Variants in BCL9L observed in about 807,000 individuals in gnomAD.
BCL9L encodes BCL9 like, also known as B-cell CLL/lymphoma 9-like protein.
In BCL9L, 19 loss-of-function variants were observed where a neutral mutation model predicts 99.4. That is an observed-to-expected ratio of 0.19 (90% CI 0.13 to 0.28). The LOEUF (loss-of-function observed/expected upper bound fraction) is 0.28. BCL9L is among the 10% of genes least tolerant of loss of function. The pLI, the probability that BCL9L is intolerant of heterozygous loss-of-function variation, is 1.00. For missense variants in BCL9L, 2,023 were observed against 2,101.6 expected, an observed-to-expected ratio of 0.96 and a Z score of 0.73; for synonymous variants, 900 against 854.8, an observed-to-expected ratio of 1.05 and a Z score of -0.92.
At chr11:118,916,004 C>T (rs1014401831) in intron 2 of BCL9L, among the ~76,000 whole-genome samples, 1 of 152,204 alleles carries the variant, frequency 6.6e-6, no homozygotes, top group Non-Finnish European at 1.5e-5. Flanking sequence ...CTCGTGTTCA[C>T]ATTGGAACAT....
At position 118,903,754 on chromosome 11, in the gene BCL9L, C is replaced by T. The variant is rs1940391931; in HGVS notation, c.533-302G>A. On this transcript the variant is annotated intron_variant, in intron 5 of 9. Transcript: ENST00000683865. The surrounding 1 kb of genome is among the most constrained non-coding windows in gnomAD (Gnocchi z 5.6). ...CCTGGGAGGAACGTGTCACACACTC[C>T]ACTTAACAAAGGAGGAAATAAGTTC... is the stretch of plus-strand genomic sequence containing the variant. Among the ~76,000 whole-genome samples, 1 of 152,194 alleles carries T rather than the reference C, an allele frequency of 6.6e-6. No homozygotes were observed.
rs762855953 is a variant in BCL9L at position 118,901,112 on chromosome 11, C to T, written c.2631G>A (p.Met877Ile). Residue 877 changes from methionine to isoleucine, a missense_variant, in exon 8 of 10, where the codon ATG becomes ATA. Around this residue, in one of 3 missense-constraint regions of BCL9L, gnomAD observed 902 missense variants for 888.2 expected, o/e 1.02. Coordinates refer to ENST00000683865, the MANE Select transcript of BCL9L (RefSeq NM_001378213.1). The surrounding 1 kb of genome is among the most constrained non-coding windows in gnomAD (Gnocchi z 6.6). ...GGGTGGTGCCCACGTTGCTCATGGG[C>T]ATTGAGCTCTGATCAGGGCTGAACA... is the stretch of plus-strand genomic sequence containing the variant. Reference protein sequence around the residue: ...QDMFSPDQSSMPMSNVGTTRL... With the variant: ...QDMFSPDQSSIPMSNVGTTRL... 2.3e-5 allele frequency: 37 copies of T among 1,610,962 alleles called. No individual in the cohort carries two copies. The African/African-American group carries it at 3.7e-4, about 16-fold the overall frequency.
chr11:118,907,237 AC>A (rs1379468876), intron 5 of BCL9L, among the ~76,000 whole-genome samples: 1 of 152,158 alleles, frequency 6.6e-6, no homozygotes, highest in African/African-American at 2.4e-5. Context: ...GGTGCAGGTG[AC>A]GTGACCAAGA....
Position 118,909,992 on chromosome 11 carries a change from A to G in BCL9L, c.-53T>C. The G allele has an allele frequency of 2.5e-6, 4 of 1,612,742 alleles. No individual in the cohort carries two copies. The East Asian group carries it at 6.7e-5, about 27-fold the overall frequency. ...CCCTGTGCGTGCCCAGGGCCCAGCC[A>G]GGTACTCGGTACTGGAGCACGGACT... On this transcript the variant is annotated 5_prime_UTR_variant, in exon 3 of 10. Coordinates refer to ENST00000683865, the MANE Select transcript of BCL9L (RefSeq NM_001378213.1).
At chr11:118,920,480 G>C (rs1941107446) in intron 1 of BCL9L, among the ~76,000 whole-genome samples, 1 of 152,170 alleles carries the variant, frequency 6.6e-6, no homozygotes, top group South Asian at 2.1e-4. Flanking sequence ...GTCTTCTCTT[G>C]TTTAGCTATT....
Position 118,898,294 on chromosome 11 carries a change from G to GA in BCL9L, c.*120_*121insT. Reference sequence around the variant, plus strand: ...TCCACAAATGCCACTCCCTACACAAGCCCCCTCCCACCCCCTCCACCCCAC... The same window carrying GA: ...TCCACAAATGCCACTCCCTACACAAGACCCCCTCCCACCCCCTCCACCCCAC... On this transcript the variant is annotated 3_prime_UTR_variant, in exon 10 of 10. Transcript: ENST00000683865. 1 of 452,312 alleles carries GA rather than the reference G, an allele frequency of 2.2e-6. No individual in the cohort carries two copies. Among genetic ancestry groups the GA allele is most frequent in the Non-Finnish European group, 4.1e-6 (1 of 244,762 alleles). The allele number at this position is 452,312 out of a possible 1,614,324, so 28.0% of individuals were successfully genotyped here. A position where few individuals can be genotyped will look rare whatever the true frequency, so the allele number is the denominator to read the frequency against.
chr11:118,924,005 A>T (rs1282731651), intron 1 of BCL9L, among the ~76,000 whole-genome samples: 3 of 152,178 alleles, frequency 2.0e-5, no homozygotes. Context: ...TGGAGAAGGT[A>T]GCCCGGCCCA....
Position 118,908,709 on chromosome 11 carries a change from G to A in BCL9L, c.27-54C>T, listed in dbSNP as rs112720700. The A allele has an allele frequency of 1.5e-3, 2,292 of 1,506,932 alleles. 22 individuals carry two copies. In the African/African-American group the frequency reaches 0.027, roughly 18 times the overall value. 93.3% of individuals were successfully genotyped at this position (1,506,932 alleles called of 1,614,324 possible). On this transcript the variant is annotated intron_variant, in intron 3 of 9. Coordinates refer to ENST00000683865, the MANE Select transcript of BCL9L (RefSeq NM_001378213.1). The stretch of plus-strand genomic sequence containing the variant: ...GTTAACCTTGCTAGGGGCTAGGCAT[G>A]CCTGCAACTTAATTACCCCATCCTG...
intron 5 of BCL9L, among the ~76,000 whole-genome samples, chr11:118,905,583 G>C (rs944701873): frequency 1.4e-4 from 21 of 148,140 alleles, no homozygotes; most frequent in Non-Finnish European, 1.6e-4. Flanking sequence ...TTGGGGGGCT[G>C]AGGCAGGTGT....
chr11:118,915,087 A>C (rs1940924475), intron 2 of BCL9L, among the ~76,000 whole-genome samples: 1 of 151,908 alleles, frequency 6.6e-6, no homozygotes, highest in African/African-American at 2.4e-5. Context: ...GTGAGCTGAG[A>C]CGCACCACTG....
chr11:118,901,659 AG>A lies in BCL9L; in HGVS notation c.2083del (p.Leu695TrpfsTer17). On this transcript the variant is annotated frameshift_variant, in exon 8 of 10. Transcript: ENST00000683865. LOFTEE classifies it high-confidence loss of function. The surrounding 1 kb of genome is among the most constrained non-coding windows in gnomAD (Gnocchi z 6.6). ...EKRSMGMQRP[L>X]GMAGSGMGQS... ...TCCCATGCCACTGCCTGCCATGCCC[AG>A]GGGGCGCTGCATGCCCATCGACCGC... 1 of 1,613,754 alleles carries A rather than the reference AG, an allele frequency of 6.2e-7. No homozygotes were observed.
At chr11:118,924,472 G>T (rs1941230649) in intron 1 of BCL9L, among the ~76,000 whole-genome samples, 1 of 151,984 alleles carries the variant, frequency 6.6e-6, no homozygotes, top group South Asian at 2.1e-4. Flanking sequence ...ACACCCTCCA[G>T]ACTCCTAGAC....
rs1941173743 is a variant in BCL9L, at chr11:118,922,666, C to T, written c.-131+2572G>A. ...CTTGGCTCCCACGGCTGCCCACTTT[C>T]CCACGGTGCCATCCCCCTTCTGCCC... is the stretch of plus-strand genomic sequence containing the variant. On this transcript the variant is annotated intron_variant, in intron 1 of 9. Coordinates refer to ENST00000683865, the MANE Select transcript of BCL9L (RefSeq NM_001378213.1). The surrounding 1 kb of genome is among the most constrained non-coding windows in gnomAD (Gnocchi z 6.2). Among the ~76,000 whole-genome samples the T allele has an allele frequency of 6.6e-6, 1 of 152,094 alleles. No individual in the cohort carries two copies. The highest frequency in any genetic ancestry group is 2.1e-4 in the South Asian group (1 of 4,826).
Position 118,898,521 on chromosome 11 carries a change from T to A in BCL9L, c.4394A>T (p.Gln1465Leu). 1 of 1,600,494 alleles carries A rather than the reference T, an allele frequency of 6.2e-7. No homozygotes were observed. The highest frequency in any genetic ancestry group is 8.5e-7 in the Non-Finnish European group (1 of 1,170,860). Residue 1465 changes from glutamine to leucine, a missense_variant, in exon 10 of 10, where the codon CAG becomes CTG. By Grantham distance (113) the Gln-to-Leu change is moderately radical. Coordinates refer to ENST00000683865, the MANE Select transcript of BCL9L (RefSeq NM_001378213.1). Reference protein sequence around the residue: ...PQGSLMGPPPQQNLMVSHPLR... With the variant: ...PQGSLMGPPPLQNLMVSHPLR... ...GGGGTGGGACACCATGAGGTTCTGC[T>A]GGGGCGGGGGGCCCATGAGGGAGCC...
At chr11:118,912,602 C>T (rs1299433767) in intron 2 of BCL9L, among the ~76,000 whole-genome samples, 1 of 152,150 alleles carries the variant, frequency 6.6e-6, no homozygotes, top group African/African-American at 2.4e-5. Flanking sequence ...CCCAGAGCCT[C>T]CAGGTATGAC....
At chr11:118,916,552 G>A (rs934731738) in intron 2 of BCL9L, among the ~76,000 whole-genome samples, 2 of 152,160 alleles carry the variant, frequency 1.3e-5, no homozygotes, top group Admixed American at 1.3e-4. Context: ...TCCTAGCACT[G>A]TCCACACTCC....
In BCL9L at chr11:118,908,466, C is replaced by T. The variant is rs200700610; in HGVS notation, c.216G>A (p.Ser72=). The change falls in exon 4 of 10, where the codon TCG becomes TCA. Residue 72 remains serine, a synonymous_variant. Coordinates refer to ENST00000683865, the MANE Select transcript of BCL9L (RefSeq NM_001378213.1). The stretch of plus-strand genomic sequence containing the variant: ...CATGGTTCCCCGCCCCCACGCCCTT[C>T]GAGCCCACGTTGCAGGTGGGTCCTT... The part of the protein sequence containing the change: ...VNQGPTCNVG[S]KGVGAGNHGA... 3.1e-6 allele frequency: 5 copies of T among 1,614,150 alleles called. No individual in the cohort carries two copies. The highest frequency in any genetic ancestry group is 1.7e-5 in the Admixed American group (1 of 60,024).
rs2134446927 is a variant in BCL9L at position 118,922,928 on chromosome 11, A to AC, written c.-131+2309dup. On this transcript the variant is annotated intron_variant, in intron 1 of 9. Coordinates refer to ENST00000683865, the MANE Select transcript of BCL9L (RefSeq NM_001378213.1). This position sits in a 1 kb window ranked among gnomAD's most constrained non-coding sequence, Gnocchi z 6.2. Reference sequence around the variant, plus strand: ...TTCTGGGAAGACTGGAAACTTGAACACCCCAGCTCTCCAGAGCTGTCCCAG... The same window carrying AC: ...TTCTGGGAAGACTGGAAACTTGAACACCCCCAGCTCTCCAGAGCTGTCCCAG... Among the ~76,000 whole-genome samples the AC allele has an allele frequency of 6.6e-6, 1 of 151,952 alleles. No individual in the cohort carries two copies. The highest frequency in any genetic ancestry group is 6.5e-5 in the Admixed American group (1 of 15,286).
chr11:118,911,624 T>G lies in BCL9L; in HGVS notation c.-76-1609A>C, dbSNP rs146722385. Among the ~76,000 whole-genome samples the G allele has an allele frequency of 6.9e-3, 1,047 of 152,346 alleles. 7 individuals are homozygous for G. The highest frequency in any genetic ancestry group is 0.024 in the African/African-American group (1,001 of 41,578). On this transcript the variant is annotated intron_variant, in intron 2 of 9. Transcript: ENST00000683865. Reference sequence around the variant, plus strand: ...TCAGGCTCTCCCTTCACCAGCTCGCTGATTCTCAAAAGGATCGACCCCATT... The same window carrying G: ...TCAGGCTCTCCCTTCACCAGCTCGCGGATTCTCAAAAGGATCGACCCCATT...
Sources: allele counts gnomAD v4.1 joint callset (sites outside exome capture counted in the v4.1 genomes callset), GRCh38; gene constraint gnomAD v4.1.1; regional missense constraint gnomAD v4.1.1; non-coding constraint Gnocchi (gnomAD v3.1); transcripts MANE v1.5; gene names NCBI Gene and HGNC (gene_info 2026-07-23, HGNC 2026-07-21).